TMEFF2: variants seen among roughly 807,000 people sequenced by gnomAD.
TMEFF2 encodes transmembrane protein with EGF like and two follistatin like domains 2, also known as tomoregulin-2.
In TMEFF2, 28 loss-of-function variants were observed where a neutral mutation model predicts 53.8. The observed-to-expected ratio is 0.52, with a 90% confidence interval of 0.39 to 0.71. TMEFF2 has a LOEUF of 0.71. Among genes scored for constraint, TMEFF2 ranks in the 30% least tolerant of loss-of-function variants. The pLI, the probability that TMEFF2 is intolerant of heterozygous loss-of-function variation, is 0.00. For synonymous variants in TMEFF2, 162 were observed against 166.3 expected (o/e 0.97, Z 0.20); for missense variants, 353 against 455.2 (o/e 0.78, Z 2.04).
chr2:192,143,701 CT>C (rs1395881753), intron 4 of TMEFF2, among the ~76,000 whole-genome samples: 1 of 152,156 alleles, frequency 6.6e-6, no homozygotes, highest in East Asian at 1.9e-4. Context: ...TTCTTTCTTT[CT>C]GTAATTTGAG....
chr2:191,956,316 TG>T lies in TMEFF2; in HGVS notation c.807del (p.Tyr269Ter). 1 of 1,614,108 alleles carries T rather than the reference TG, an allele frequency of 6.2e-7. No homozygotes were observed. Among genetic ancestry groups the T allele is most frequent in the Non-Finnish European group, 8.5e-7 (1 of 1,179,966 alleles). ...REHHIPCPEH[Y>X]NGFCMHGKCE... is the part of the protein sequence containing the mutation. ...CACTTCCCATGCATGCAGAAGCCAT[TG>T]TAATGTTCCGGACAAGGTATGTGGT... On this transcript the variant is annotated frameshift_variant, in exon 8 of 10. Coordinates refer to ENST00000272771, the MANE Select transcript of TMEFF2 (RefSeq NM_016192.4). LOFTEE classifies it high-confidence loss of function.
chr2:191,965,660 G>C (rs936475835), intron 7 of TMEFF2, among the ~76,000 whole-genome samples: 4 of 152,006 alleles, frequency 2.6e-5, no homozygotes, highest in Admixed American at 2.0e-4. Context: ...CAATTCTTCT[G>C]CATCTTCTTA....
At chr2:191,963,470 T>G (rs1559062710) in intron 7 of TMEFF2, among the ~76,000 whole-genome samples, 1 of 146,598 alleles carries the variant, frequency 6.8e-6, no homozygotes, top group Non-Finnish European at 1.5e-5. Flanking sequence ...AGCAGTTTTC[T>G]TCTTTGTAGG....
intron 4 of TMEFF2, among the ~76,000 whole-genome samples, chr2:192,060,048 T>TTG (rs755185491): frequency 1.9e-4 from 29 of 151,546 alleles, no homozygotes; most frequent in Non-Finnish European, 4.0e-4. Flanking sequence ...ATCATATTTT[T>TTG]TTTTTTTTAA....
intron 5 of TMEFF2, among the ~76,000 whole-genome samples, chr2:192,012,119 G>A (rs1433730197): frequency 6.6e-6 from 1 of 152,062 alleles, no homozygotes; most frequent in East Asian, 1.9e-4. Context: ...TAGCCAGGAT[G>A]GTCTCAATCT....
intron 4 of TMEFF2, among the ~76,000 whole-genome samples, chr2:192,152,535 T>G (rs1332186797): frequency 6.6e-6 from 1 of 151,978 alleles, no homozygotes; most frequent in Non-Finnish European, 1.5e-5. Context: ...GTCACATTTA[T>G]CAGATGCAAA....
intron 7 of TMEFF2, among the ~76,000 whole-genome samples, chr2:191,964,050 G>GAT (rs1255239778): frequency 6.6e-6 from 1 of 152,052 alleles, no homozygotes; most frequent in Non-Finnish European, 1.5e-5. Context: ...TTTCCAGTGT[G>GAT]ATATGTACAG....
intron 4 of TMEFF2, among the ~76,000 whole-genome samples, chr2:192,061,707 G>T (rs1688048359): frequency 6.6e-6 from 1 of 152,138 alleles, no homozygotes; most frequent in East Asian, 1.9e-4. Context: ...TGGGTTGGTA[G>T]GAAGTGTTTG....
intron 4 of TMEFF2, among the ~76,000 whole-genome samples, chr2:192,103,999 C>T (rs936232582): frequency 9.9e-5 from 15 of 151,912 alleles, no homozygotes; most frequent in African/African-American, 2.4e-4. Flanking sequence ...AGAGGACTAA[C>T]GCTTTCCAAC....
chr2:191,963,251 T>A (rs932459212), intron 7 of TMEFF2, among the ~76,000 whole-genome samples: 1 of 152,180 alleles, frequency 6.6e-6, no homozygotes. Context: ...TGGGAAGCCA[T>A]TTTATGCTAA....
At chr2:192,064,515 C>T (rs1052427974) in intron 4 of TMEFF2, among the ~76,000 whole-genome samples, 18 of 151,850 alleles carry the variant, frequency 1.2e-4, no homozygotes, top group African/African-American at 4.3e-4. Context: ...TTTGCCTTAA[C>T]TTTTCAAGAC....
chr2:192,189,058 C>A (rs1051234118), intron 2 of TMEFF2, among the ~76,000 whole-genome samples: 1 of 152,064 alleles, frequency 6.6e-6, no homozygotes, highest in Non-Finnish European at 1.5e-5. Flanking sequence ...AAACAATTAT[C>A]TCACCGGGTT....
intron 4 of TMEFF2, among the ~76,000 whole-genome samples, chr2:192,062,505 G>T (rs1456261212): frequency 6.6e-6 from 1 of 152,132 alleles, no homozygotes; most frequent in Admixed American, 6.6e-5. Flanking sequence ...GTACACATAT[G>T]TTTTGATTTC....
chr2:192,058,936 CTTAT>C (rs1168597455), intron 4 of TMEFF2, among the ~76,000 whole-genome samples: 2 of 151,936 alleles, frequency 1.3e-5, no homozygotes, highest in African/African-American at 2.4e-5. Flanking sequence ...TCCAATCTTA[CTTAT>C]TTAGTTTTAA....
At chr2:191,973,477 A>G (rs967401222) in intron 7 of TMEFF2, among the ~76,000 whole-genome samples, 8 of 95,984 alleles carry the variant, frequency 8.3e-5, no homozygotes, top group African/African-American at 2.8e-4. Context: ...ATACCTATAC[A>G]TGCATACATA....
chr2:192,153,930 A>C (rs1292986163), intron 4 of TMEFF2, among the ~76,000 whole-genome samples: 1 of 151,952 alleles, frequency 6.6e-6, no homozygotes, highest in Non-Finnish European at 1.5e-5. Context: ...AGAAAATTCT[A>C]TCAAAACTAG....
At chr2:192,059,068 C>A (rs902985574) in intron 4 of TMEFF2, among the ~76,000 whole-genome samples, 15 of 151,754 alleles carry the variant, frequency 9.9e-5, no homozygotes, top group Non-Finnish European at 2.1e-4. Context: ...TTGATTTACT[C>A]AAAAAAGGAC....
intron 4 of TMEFF2, among the ~76,000 whole-genome samples, chr2:192,101,506 TACTC>T (rs1167458773): frequency 6.6e-6 from 1 of 152,236 alleles, no homozygotes; most frequent in Non-Finnish European, 1.5e-5. Flanking sequence ...CATGAATAAA[TACTC>T]ACTTTCATGC....
intron 5 of TMEFF2, among the ~76,000 whole-genome samples, chr2:192,046,236 C>A (rs944974982): frequency 1.3e-5 from 2 of 152,056 alleles, no homozygotes; most frequent in African/African-American, 4.8e-5. Flanking sequence ...ATGTGGCATG[C>A]ACCTGTAGTC....
Sources: gnomAD v4.1 joint callset for allele counts (sites outside exome capture counted in the v4.1 genomes callset) on GRCh38, gnomAD v4.1.1 for gene constraint, MANE v1.5 for transcripts, NCBI Gene and HGNC (gene_info 2026-07-23, HGNC 2026-07-21) for gene names.